Variants in TAS1R2 observed in about 807,000 individuals in gnomAD.
TAS1R2 encodes the protein taste 1 receptor member 2.
A neutral mutation model predicts 49.3 loss-of-function variants in TAS1R2; 47 were observed. That is an observed-to-expected ratio of 0.95 (90% CI 0.75 to 1.22). The LOEUF is 1.22. Among genes scored for constraint, TAS1R2 ranks in the 50% most tolerant of loss-of-function variants. TAS1R2 has a pLI of 0.00. For missense variants in TAS1R2, 1,155 were observed against 1,122.1 expected (o/e 1.03, Z -0.42); for synonymous variants, 479 against 467.9 (o/e 1.02, Z -0.31).
At chr1:18,853,908 C>T (rs777851218) in intron 3 of TAS1R2, among the ~76,000 whole-genome samples, 13 of 152,104 alleles carry the variant, frequency 8.5e-5, no homozygotes, top group South Asian at 2.1e-4. Flanking sequence ...AGGGTCCACG[C>T]GAAAACACAA....
exon 2 of TAS1R2, chr1:18,857,374 A>T: frequency 6.2e-7 from 1 of 1,614,218 alleles, no homozygotes; most frequent in Non-Finnish European, 8.5e-7. Flanking sequence ...CACAGTCATG[A>T]CAGACTCGGA....
At chr1:18,847,535 G>A (rs913860412) in intron 4 of TAS1R2, among the ~76,000 whole-genome samples, 1 of 134,598 alleles carries the variant, frequency 7.4e-6, no homozygotes, top group African/African-American at 2.8e-5. Flanking sequence ...GGGGGAAGAG[G>A]GTGCAGGCTA....
intron 2 of TAS1R2, among the ~76,000 whole-genome samples, chr1:18,856,332 G>A (rs890351708): frequency 1.3e-5 from 2 of 151,756 alleles, no homozygotes; most frequent in Admixed American, 6.6e-5. Flanking sequence ...TCAAGTCTTC[G>A]CCCAATTGTC....
intron 2 of TAS1R2, among the ~76,000 whole-genome samples, chr1:18,857,028 C>T (rs949373294): frequency 8.5e-5 from 13 of 152,288 alleles, no homozygotes; most frequent in Non-Finnish European, 1.5e-4. Flanking sequence ...TGGGATGGAA[C>T]GCTTATCATC....
In TAS1R2 at chr1:18,847,580, G is replaced by A. The variant is rs113130337; in HGVS notation, c.1467+1761C>T. Among the ~76,000 whole-genome samples the A allele has an allele frequency of 1.3e-3, 204 of 152,248 alleles. 1 individual carries two copies. The highest frequency in any genetic ancestry group is 4.6e-3 in the African/African-American group (190 of 41,542). On this transcript the variant is annotated intron_variant, in intron 4 of 5. Transcript: ENST00000375371. ...GAGAGTGATGAAGTCTCTTCCAGAA[G>A]CTTTTAGATCTCTAGATCCCCTCCC...
intron 2 of TAS1R2, among the ~76,000 whole-genome samples, chr1:18,855,262 C>G (rs1305792114): frequency 6.6e-6 from 1 of 152,192 alleles, no homozygotes; most frequent in East Asian, 1.9e-4. Context: ...CCACATACAC[C>G]ATCATCCTCA....
At chr1:18,840,297 G>C in exon 6 of TAS1R2, 2 of 1,614,044 alleles carry the variant, frequency 1.2e-6, no homozygotes, top group Non-Finnish European at 1.7e-6. Context: ...AGCAGTGTCA[G>C]CATCAGGAAG....
At chr1:18,858,136 C>T (rs1206279047) in intron 1 of TAS1R2, among the ~76,000 whole-genome samples, 1 of 151,794 alleles carries the variant, frequency 6.6e-6, no homozygotes, top group Non-Finnish European at 1.5e-5. Context: ...ATCACCACCA[C>T]CAACATCATC....
At chr1:18,855,297 T>C (rs1161929732) in intron 2 of TAS1R2, among the ~76,000 whole-genome samples, 1 of 152,208 alleles carries the variant, frequency 6.6e-6, no homozygotes, top group South Asian at 2.1e-4. Context: ...CTGGCTTTTA[T>C]TGAGAACCAC....
rs1056036537 is a variant in TAS1R2, at chr1:18,854,310, C to T, written c.1160G>A (p.Ser387Asn). ...CACAGCATAGACCGCAGAGTACACGCTGTAGACGACACGCTCCCCAGAGAG... is the reference window on the plus strand; with the variant it reads ...CACAGCATAGACCGCAGAGTACACGTTGTAGACGACACGCTCCCCAGAGAG... Residue 387 changes from serine (S) to asparagine (N), a missense_variant, in exon 3 of 6, where the codon AGC (serine) becomes AAC (asparagine). By Grantham distance (46) the Ser-to-Asn change is conservative. Coordinates refer to ENST00000375371, the Ensembl canonical transcript of TAS1R2. The surrounding 1 kb of genome is among the most constrained non-coding windows in gnomAD (Gnocchi z 4.9). 4.3e-6 allele frequency: 7 copies of T among 1,614,136 alleles called. No homozygotes were observed. The highest frequency in any genetic ancestry group is 5.9e-6 in the Non-Finnish European group (7 of 1,180,002).
intron 4 of TAS1R2, among the ~76,000 whole-genome samples, chr1:18,847,917 G>A (rs1933951924): frequency 6.6e-6 from 1 of 152,224 alleles, no homozygotes; most frequent in Non-Finnish European, 1.5e-5. Flanking sequence ...GTCTTAAATG[G>A]ATAGCAGCAA....
chr1:18,857,612 C>T lies in TAS1R2; in HGVS notation c.202G>A (p.Gly68Ser). Residue 68 changes from glycine (G) to serine (S), a missense_variant, in exon 2 of 6, where the codon GGC becomes AGC. Coordinates refer to ENST00000375371, the Ensembl canonical transcript of TAS1R2. ...CGCATGGCCTGCATGAGGTTGTAGCCTATCACCTTCACTTCATACCTGGAG... is the reference window on the plus strand; with the variant it reads ...CGCATGGCCTGCATGAGGTTGTAGCTTATCACCTTCACTTCATACCTGGAG... 6.2e-7 allele frequency: 1 copy of T among 1,613,454 alleles called. No homozygotes were observed. Among genetic ancestry groups the T allele is most frequent in the South Asian group, 1.1e-5 (1 of 91,078 alleles).
rs780297927 is a variant in TAS1R2, at chr1:18,859,628, C to T, written c.33G>A (p.Leu11=). ...CAGCCAGGACCCATAGGAGGAAGAACAGGGAGGAGATGGTCTTTGCCCTGG... is the reference window on the plus strand; with the variant it reads ...CAGCCAGGACCCATAGGAGGAAGAATAGGGAGGAGATGGTCTTTGCCCTGG... Residue 11 remains leucine (L), a synonymous_variant, in exon 1 of 6, where the codon CTG becomes CTA. Transcript: ENST00000375371. 9 of 1,614,228 alleles carry T rather than the reference C, an allele frequency of 5.6e-6. No individual in the cohort carries two copies. The South Asian group carries it at 9.9e-5, about 18-fold the overall frequency.
exon 6 of TAS1R2, chr1:18,840,031 G>A (rs747798058): frequency 1.1e-5 from 17 of 1,613,338 alleles, no homozygotes; most frequent in Middle Eastern, 1.6e-4. Context: ...TGGCCAGCAT[G>A]CCAATTACCA....
chr1:18,839,804 G>A (rs1422974900), exon 6 of TAS1R2: 1 of 1,614,134 alleles, frequency 6.2e-7, no homozygotes, highest in Non-Finnish European at 8.5e-7. Flanking sequence ...GGAGACGGAT[G>A]AGGTGAAATA....
chr1:18,849,180 G>T (rs938747681), intron 4 of TAS1R2, 161 bp downstream of exon 4: 1 of 771,304 alleles, frequency 1.3e-6, no homozygotes, highest in Non-Finnish European at 2.0e-6. Flanking sequence ...ATCAATGGGG[G>T]AAGGAAAGGA....
At chr1:18,850,883 C>G (rs1215440864) in intron 3 of TAS1R2, among the ~76,000 whole-genome samples, 1 of 152,220 alleles carries the variant, frequency 6.6e-6, no homozygotes, top group East Asian at 1.9e-4. Flanking sequence ...CACACTCTCT[C>G]CTGAGGCCAG....
At chr1:18,844,189 A>T (rs1471268276) in intron 4 of TAS1R2, among the ~76,000 whole-genome samples, 10 of 152,130 alleles carry the variant, frequency 6.6e-5, no homozygotes, top group Admixed American at 6.5e-4. Context: ...GTATGTGGAG[A>T]TGCAAGCAGG....
At chr1:18,859,436 C>T (rs1282748267) in intron 1 of TAS1R2, 43 bp downstream of exon 1, 2 of 1,610,374 alleles carry the variant, frequency 1.2e-6, no homozygotes, top group Admixed American at 1.7e-5. Context: ...TGGCCTCCCA[C>T]CCCATCCCCA....
Sources: allele counts gnomAD v4.1 joint callset (sites outside exome capture counted in the v4.1 genomes callset), GRCh38; gene constraint gnomAD v4.1.1; non-coding constraint Gnocchi (gnomAD v3.1); transcripts MANE v1.5; gene names NCBI Gene and HGNC (gene_info 2026-07-23, HGNC 2026-07-21).